RAD9B: variants seen among roughly 807,000 people sequenced by gnomAD.
RAD9B encodes the protein RAD9 checkpoint clamp component B.
RAD9B carries 41 observed loss-of-function variants against 48.3 expected under a neutral mutation model. The ratio of observed to expected loss-of-function variants is 0.85; its 90% CI spans 0.66 to 1.10. RAD9B has a LOEUF of 1.10. RAD9B is among the 50% of genes least tolerant of loss of function. The pLI, the probability that RAD9B is intolerant of heterozygous loss-of-function variation, is 0.00. For missense variants in RAD9B, 444 were observed against 485.1 expected (o/e 0.92, Z 0.80); for synonymous variants, 160 against 157.9 (o/e 1.01, Z -0.10).
chr12:110,520,510 C>A (rs1301157172), intron 9 of RAD9B, among the ~76,000 whole-genome samples: 5 of 150,980 alleles, frequency 3.3e-5, no homozygotes, highest in Middle Eastern at 3.4e-3. Flanking sequence ...CCACATCGGG[C>A]CTTTAGTTTT....
At chr12:110,518,621 C>T in intron 6 of RAD9B, 55 bp from the exon 7 acceptor site, 1 of 1,325,002 alleles carries the variant, frequency 7.5e-7, no homozygotes, top group Non-Finnish European at 1.0e-6. Flanking sequence ...CTTTTTTCCT[C>T]TAAATTCATC....
intron 9 of RAD9B, among the ~76,000 whole-genome samples, chr12:110,521,046 A>C (rs1289739703): frequency 6.6e-6 from 1 of 152,208 alleles, no homozygotes; most frequent in Non-Finnish European, 1.5e-5. Flanking sequence ...AAGTACAAAG[A>C]AGAAAATAAA....
At position 110,531,172 on chromosome 12, in the gene RAD9B, C is replaced by A. The variant is rs995091552; in HGVS notation, c.*519C>A. 5.1e-6 allele frequency: 5 copies of A among 987,568 alleles called. No homozygotes were observed. The highest frequency in any genetic ancestry group is 6.0e-6 in the Non-Finnish European group (5 of 826,872). The allele number at this position is 987,568 out of a possible 1,614,324, so 61.2% of individuals were successfully genotyped here. A position where few individuals can be genotyped will look rare whatever the true frequency, so the allele number is the denominator to read the frequency against. ...GTAGAATAAACCCTGGAAAAAAGAT[C>A]AAGAGTAAAAATATATAGTCACTTT... On this transcript the variant is annotated 3_prime_UTR_variant, in exon 11 of 11. Transcript: ENST00000409300.
chr12:110,516,152 G>T (rs534092711), intron 6 of RAD9B, among the ~76,000 whole-genome samples: 1 of 151,936 alleles, frequency 6.6e-6, no homozygotes, highest in Non-Finnish European at 1.5e-5. Context: ...GCTTGAGCCC[G>T]TAAGTTTGAG....
At position 110,530,710 on chromosome 12, in the gene RAD9B, A is replaced by G; in HGVS notation, c.*57A>G. Reference sequence around the variant, plus strand: ...CAGTGACTGGCTCATTTGCCCCTCAAGCACGAGTTTGCATGTTTAGTGTCT... The same window carrying G: ...CAGTGACTGGCTCATTTGCCCCTCAGGCACGAGTTTGCATGTTTAGTGTCT... On this transcript the variant is annotated 3_prime_UTR_variant, in exon 11 of 11. Coordinates refer to ENST00000409300, the MANE Select transcript of RAD9B (RefSeq NM_001286535.2). The G allele has an allele frequency of 1.2e-6, 2 of 1,606,966 alleles. No homozygotes were observed. Among genetic ancestry groups the G allele is most frequent in the Non-Finnish European group, 8.5e-7 (1 of 1,176,366 alleles).
Position 110,505,722 on chromosome 12 carries a change from G to A in RAD9B, c.223G>A (p.Glu75Lys). 1 of 1,610,680 alleles carries A rather than the reference G, an allele frequency of 6.2e-7. No homozygotes were observed. Among genetic ancestry groups the A allele is most frequent in the Non-Finnish European group, 8.5e-7 (1 of 1,178,340 alleles). The change falls in exon 3 of 11, where the codon GAA becomes AAA. Residue 75 changes from glutamate to lysine, a missense_variant. Physicochemically the swap from Glu to Lys is moderately conservative, Grantham distance 56. Transcript: ENST00000409300. ...ATGGTCAGCTTTAGTGAAAATGAGTGAAAATGAACTTGACACAACACTGCA... is the reference window on the plus strand; with the variant it reads ...ATGGTCAGCTTTAGTGAAAATGAGTAAAAATGAACTTGACACAACACTGCA... ...YQWSALVKMSENELDTTLHLK... is the reference protein window; with the variant it reads ...YQWSALVKMSKNELDTTLHLK...
chr12:110,522,938 T>C (rs1427130506), intron 10 of RAD9B, among the ~76,000 whole-genome samples: 2 of 152,206 alleles, frequency 1.3e-5, no homozygotes, highest in Non-Finnish European at 2.9e-5. Flanking sequence ...CAGAATGCTG[T>C]AGTGTTAAAC....
chr12:110,511,706 A>G (rs1301220320), intron 4 of RAD9B: 1 of 197,004 alleles, frequency 5.1e-6, no homozygotes, highest in Non-Finnish European at 1.1e-5. Flanking sequence ...CTGTGTTTCA[A>G]CGTAGCTAAA....
intron 10 of RAD9B, among the ~76,000 whole-genome samples, chr12:110,525,573 A>G (rs979889441): frequency 2.0e-5 from 3 of 152,092 alleles, no homozygotes; most frequent in Admixed American, 1.3e-4. Context: ...TCGTATCTGG[A>G]GGCACAGGTT....
chr12:110,517,284 A>G (rs1054058094), intron 6 of RAD9B, among the ~76,000 whole-genome samples: 2 of 152,168 alleles, frequency 1.3e-5, no homozygotes, highest in African/African-American at 4.8e-5. Context: ...AGCTATGATC[A>G]TGCCACTGTA....
chr12:110,530,457 C>A, intron 10 of RAD9B, 68 bp from the exon 11 acceptor site: 1 of 1,476,894 alleles, frequency 6.8e-7, no homozygotes, highest in South Asian at 1.2e-5. Flanking sequence ...GGAGGGCTGT[C>A]ACCTGGAGCA....
At chr12:110,519,066 C>T in intron 8 of RAD9B, 128 bp downstream of exon 8, 1 of 641,958 alleles carries the variant, frequency 1.6e-6, no homozygotes. Flanking sequence ...ACTTATCAAA[C>T]TAAAATTTTG....
chr12:110,514,446 G>A (rs533922242), intron 5 of RAD9B, among the ~76,000 whole-genome samples: 2 of 152,030 alleles, frequency 1.3e-5, no homozygotes, highest in Non-Finnish European at 2.9e-5. Flanking sequence ...TAGTCATTAG[G>A]GAAATGCAAA....
At position 110,503,922 on chromosome 12, in the gene RAD9B, G is replaced by A. The variant is rs754225593; in HGVS notation, c.117+46G>A. On this transcript the variant is annotated intron_variant, in intron 2 of 10. Coordinates refer to ENST00000409300, the MANE Select transcript of RAD9B (RefSeq NM_001286535.2). ...ATCACGTATCAAGGCAAGAGGAGAT[G>A]TTTAAAGATCCCAGTCCAGATTGAA... The A allele has an allele frequency of 1.3e-5, 15 of 1,179,078 alleles. 1 individual carries two copies. Among genetic ancestry groups the A allele is most frequent in the Middle Eastern group, 2.0e-4 (1 of 5,050 alleles). 73.0% of individuals were successfully genotyped at this position (1,179,078 alleles called of 1,614,324 possible).
chr12:110,506,737 C>A, intron 4 of RAD9B, 44 bp downstream of exon 4: 1 of 905,254 alleles, frequency 1.1e-6, no homozygotes, highest in Non-Finnish European at 1.8e-6. Flanking sequence ...GTTTTTTTCT[C>A]AATAGTTTTC....
At chr12:110,502,795 A>C in intron 1 of RAD9B, 1 of 165,890 alleles carries the variant, frequency 6.0e-6, no homozygotes, top group South Asian at 1.4e-4. Flanking sequence ...AAGTCACTAA[A>C]TCTCTTTGGG....
chr12:110,529,609 G>A (rs902555509), intron 10 of RAD9B, among the ~76,000 whole-genome samples: 8 of 151,654 alleles, frequency 5.3e-5, no homozygotes, highest in African/African-American at 9.7e-5. Context: ...AAAAGGCTGC[G>A]CATGGTTGTG....
At chr12:110,516,802 ACT>A (rs1429329524) in intron 6 of RAD9B, among the ~76,000 whole-genome samples, 5 of 151,848 alleles carry the variant, frequency 3.3e-5, no homozygotes, top group East Asian at 1.9e-4. Flanking sequence ...ACAGAGCAAG[ACT>A]CTGTCTAAAA....
In RAD9B at chr12:110,532,247, C is replaced by G. The variant is rs1345552537; in HGVS notation, c.*1594C>G. On this transcript the variant is annotated 3_prime_UTR_variant, in exon 11 of 11. Coordinates refer to ENST00000409300, the MANE Select transcript of RAD9B (RefSeq NM_001286535.2). ...AACACTGAATTTCTGGTATTTCTAA[C>G]AAATGCAGATGCCTACACAGGGAGC... Among the ~76,000 whole-genome samples the G allele has an allele frequency of 1.3e-5, 2 of 152,210 alleles. No individual in the cohort carries two copies. Among genetic ancestry groups the G allele is most frequent in the South Asian group, 4.1e-4 (2 of 4,830 alleles).
Sources: gnomAD v4.1 joint callset for allele counts (sites outside exome capture counted in the v4.1 genomes callset) on GRCh38, gnomAD v4.1.1 for gene constraint, MANE v1.5 for transcripts, NCBI Gene and HGNC (gene_info 2026-07-23, HGNC 2026-07-21) for gene names.